The following LRP1B variants were observed in gnomAD, a reference collection of about 807,000 sequenced individuals.
The protein encoded by LRP1B is LDL receptor related protein 1B.
Under a neutral mutation model 556.6 loss-of-function variants are expected in LRP1B, and 217 were observed. The observed-to-expected ratio is 0.39, with a 90% CI of 0.35 to 0.44. The LOEUF is 0.44. Among genes scored for constraint, LRP1B ranks in the 20% least tolerant of loss-of-function variants. The pLI is 1.00. For missense variants in LRP1B, 5,053 were observed against 5,620.8 expected (o/e 0.90, Z 3.23); for synonymous variants, 2,047 against 1,865.8 (o/e 1.10, Z -2.50).
chr2:140,902,726 A>T (rs1366801), intron 23 of LRP1B, among the ~76,000 whole-genome samples, 194 bp downstream of exon 23: 1 of 152,090 alleles, frequency 6.6e-6, no homozygotes, highest in Non-Finnish European at 1.5e-5. Flanking sequence ...TAACAATTCA[A>T]TGGATAGCAA....
chr2:141,824,848 C>T (rs866816868), intron 1 of LRP1B, among the ~76,000 whole-genome samples: 2 of 152,096 alleles, frequency 1.3e-5, no homozygotes, highest in Non-Finnish European at 2.9e-5. Flanking sequence ...AATCTCATCT[C>T]GAATTGTAAT....
At chr2:141,453,028 G>A (rs1049954632) in intron 3 of LRP1B, among the ~76,000 whole-genome samples, 1 of 152,088 alleles carries the variant, frequency 6.6e-6, no homozygotes, top group Non-Finnish European at 1.5e-5. Context: ...TTGAGGTCAG[G>A]AGTTCGAGAC....
intron 32 of LRP1B, among the ~76,000 whole-genome samples, chr2:140,799,676 G>A (rs182635447): frequency 2.1e-4 from 32 of 152,276 alleles, no homozygotes; most frequent in African/African-American, 7.5e-4. Flanking sequence ...ATATATCTCA[G>A]TGCATATATA....
At chr2:140,772,535 C>T (rs1483556939) in intron 33 of LRP1B, among the ~76,000 whole-genome samples, 1 of 152,020 alleles carries the variant, frequency 6.6e-6, no homozygotes, top group Non-Finnish European at 1.5e-5. Flanking sequence ...GTCTTGAACC[C>T]CTGACATCCA....
At position 140,701,762 on chromosome 2, in the gene LRP1B, T is replaced by C. The variant is rs1257931180; in HGVS notation, c.6386A>G (p.Asn2129Ser). The C allele has an allele frequency of 3.1e-6, 5 of 1,613,102 alleles. No homozygotes were observed. In the South Asian group the frequency reaches 4.4e-5, roughly 14 times the overall value. The change falls in exon 40 of 91, where the codon AAC (asparagine) becomes AGC (serine). Residue 2129 changes from asparagine to serine, a missense_variant. Asn to Ser is a conservative substitution (Grantham distance 46). Around this residue, in one of 5 missense-constraint regions of LRP1B, gnomAD observed 3,619 missense variants for 3,931.9 expected, o/e 0.92. Coordinates refer to ENST00000389484, the MANE Select transcript of LRP1B (RefSeq NM_018557.3). ...TITMRTGLGV[N>S]LKEVKIFNRV... is the part of the protein sequence containing the mutation. Reference sequence around the variant, plus strand: ...GTTAAATATTTTAACCTCCTTCAGGTTGACTCCAAGGCCGGTTCTCATGGT... The same window carrying C: ...GTTAAATATTTTAACCTCCTTCAGGCTGACTCCAAGGCCGGTTCTCATGGT...
chr2:142,047,033 C>T (rs1368111132), intron 1 of LRP1B, among the ~76,000 whole-genome samples: 1 of 152,090 alleles, frequency 6.6e-6, no homozygotes, highest in Middle Eastern at 3.4e-3. Flanking sequence ...TACACTGAGG[C>T]AAAGGCTCTT....
At chr2:140,437,865 A>T (rs1265392471) in intron 66 of LRP1B, among the ~76,000 whole-genome samples, 1 of 152,156 alleles carries the variant, frequency 6.6e-6, no homozygotes, top group African/African-American at 2.4e-5. Context: ...AGAAATTTAA[A>T]TGTTTTAACA....
chr2:141,647,181 T>C (rs867395148), intron 2 of LRP1B, among the ~76,000 whole-genome samples: 14 of 152,298 alleles, frequency 9.2e-5, no homozygotes, highest in Middle Eastern at 3.4e-3. Context: ...ATGCTATGTG[T>C]TCACTACTTC....
chr2:140,963,917 TA>T, intron 18 of LRP1B, among the ~76,000 whole-genome samples: 1 of 152,018 alleles, frequency 6.6e-6, no homozygotes, highest in Middle Eastern at 3.4e-3. Context: ...AGTGTAGAAA[TA>T]AAGACACAAG....
At chr2:141,836,160 T>G (rs1697270928) in intron 1 of LRP1B, among the ~76,000 whole-genome samples, 1 of 151,936 alleles carries the variant, frequency 6.6e-6, no homozygotes, top group Non-Finnish European at 1.5e-5. Flanking sequence ...GAAATTAGAA[T>G]GTCTTAAAAC....
chr2:140,558,182 A>G (rs1030688419), intron 43 of LRP1B, among the ~76,000 whole-genome samples: 1 of 152,192 alleles, frequency 6.6e-6, no homozygotes, highest in Non-Finnish European at 1.5e-5. Context: ...AGAATGGCAC[A>G]GCCACTTTAG....
chr2:140,634,503 T>C (rs891729685), intron 41 of LRP1B, among the ~76,000 whole-genome samples: 2 of 152,146 alleles, frequency 1.3e-5, no homozygotes, highest in Non-Finnish European at 2.9e-5. Context: ...ATGTGGACTG[T>C]GAATAATGAC....
intron 49 of LRP1B, among the ~76,000 whole-genome samples, chr2:140,521,876 A>T (rs1321270518): frequency 1.3e-5 from 2 of 152,170 alleles, no homozygotes; most frequent in East Asian, 1.9e-4. Context: ...TGCTATTCGT[A>T]TATCAGATAT....
At chr2:140,495,164 C>T (rs529706844) in intron 56 of LRP1B, among the ~76,000 whole-genome samples, 1 of 152,140 alleles carries the variant, frequency 6.6e-6, no homozygotes, top group East Asian at 1.9e-4. Flanking sequence ...TTATTGTTAA[C>T]TTGTTCTCTC....
chr2:141,898,063 C>A (rs1225840667), intron 1 of LRP1B, among the ~76,000 whole-genome samples: 1 of 152,102 alleles, frequency 6.6e-6, no homozygotes, highest in Non-Finnish European at 1.5e-5. Flanking sequence ...TCTTTACAGG[C>A]ATTTGGGGTT....
At chr2:141,291,386 A>G (rs1219965085) in intron 3 of LRP1B, among the ~76,000 whole-genome samples, 1 of 152,126 alleles carries the variant, frequency 6.6e-6, no homozygotes, top group Non-Finnish European at 1.5e-5. Flanking sequence ...TTTGTGTAAA[A>G]TTTTTTGAAC....
At chr2:141,155,151 T>C (rs1236249755) in intron 7 of LRP1B, among the ~76,000 whole-genome samples, 1 of 151,906 alleles carries the variant, frequency 6.6e-6, no homozygotes, top group South Asian at 2.1e-4. Context: ...AACATAATTT[T>C]TGGCCTCTAA....
intron 3 of LRP1B, among the ~76,000 whole-genome samples, chr2:141,463,582 T>TATTA (rs1405204222): frequency 1.3e-5 from 1 of 78,358 alleles, no homozygotes; most frequent in Non-Finnish European, 2.4e-5. Flanking sequence ...TTATATATAA[T>TATTA]TATATATAAT....
chr2:140,637,769 T>C (rs2105291046), intron 41 of LRP1B, among the ~76,000 whole-genome samples: 1 of 152,274 alleles, frequency 6.6e-6, no homozygotes, highest in Admixed American at 6.5e-5. Context: ...AATAGGTGGT[T>C]CCTTAACAGC....
Sources: allele counts gnomAD v4.1 joint callset (sites outside exome capture counted in the v4.1 genomes callset), GRCh38; gene constraint gnomAD v4.1.1; regional missense constraint gnomAD v4.1.1; transcripts MANE v1.5; gene names NCBI Gene and HGNC (gene_info 2026-07-23, HGNC 2026-07-21).